Variants in CDCP1 observed in about 807,000 individuals in gnomAD.
CDCP1 encodes the protein CUB domain containing protein 1.
In CDCP1, 29 loss-of-function variants were observed where a neutral mutation model predicts 60.2. That is an observed-to-expected ratio of 0.48 (90% confidence interval 0.36 to 0.66). The LOEUF is 0.66. Ranked by LOEUF, CDCP1 falls within the 30% of genes least tolerant of loss-of-function variation. The probability of loss-of-function intolerance (pLI) is 0.00; values close to 1 mark genes in which losing one functional copy is unlikely to be tolerated. For synonymous variants in CDCP1, 387 were observed against 431.1 expected (o/e 0.90, Z 1.27); for missense variants, 876 against 1,074.3 (o/e 0.82, Z 2.58).
chr3:45,146,274 T>C lies in CDCP1; in HGVS notation c.14A>G (p.Asn5Ser). The change falls in exon 1 of 9, where the codon AAC (asparagine) becomes AGC (serine). Residue 5 changes from asparagine (N) to serine (S), a missense_variant. Transcript: ENST00000296129. ...TAGCAGTGCGATAGAGACCCCGCAG[T>C]TCAGGCCGGCCATGACTCCGGGACG... is the stretch of plus-strand genomic sequence containing the variant. MAGL[N>S]CGVSIALLGV... is the part of the protein sequence containing the mutation. The C allele has an allele frequency of 1.3e-6, 2 of 1,585,272 alleles. No homozygotes were observed. Among genetic ancestry groups the C allele is most frequent in the East Asian group, 2.5e-5 (1 of 40,702 alleles).
Position 45,112,251 on chromosome 3 carries a change from T to C in CDCP1, c.487A>G (p.Ile163Val). The C allele has an allele frequency of 1.2e-6, 2 of 1,614,176 alleles. No homozygotes were observed. The highest frequency in any genetic ancestry group is 2.2e-5 in the South Asian group (2 of 91,078). The change falls in exon 3 of 9, where the codon ATC becomes GTC. Residue 163 changes from isoleucine (I) to valine (V), a missense_variant. By Grantham distance (29) the Ile-to-Val change is conservative. Transcript: ENST00000296129. ...ACGGTGGCATCGATTCGGCCGCTGA[T>C]GGAGTGAGTGACTCCGTCTGGGCAG... ...ESCPDGVTHS[I>V]SGRIDATVVR...
At chr3:45,094,881 C>A (rs1307614654) in intron 5 of CDCP1, among the ~76,000 whole-genome samples, 2 of 151,504 alleles carry the variant, frequency 1.3e-5, no homozygotes, top group Admixed American at 6.6e-5. Context: ...TCCAAAGGGA[C>A]GTGTTGACAC....
chr3:45,146,118 T>TCC (rs1479802401), intron 1 of CDCP1, 88 bp downstream of exon 1: 55 of 1,244,484 alleles, frequency 4.4e-5, no homozygotes, highest in Middle Eastern at 2.1e-4. Context: ...CTCCGCACCC[T>TCC]GCGTCCCTCG....
rs1698129133 is a variant in CDCP1, at chr3:45,082,995, A to G, written c.*2643T>C. 6.6e-6 allele frequency: 1 copy of G among 152,218 alleles called. No individual in the cohort carries two copies. Among genetic ancestry groups the G allele is most frequent in the Non-Finnish European group, 1.5e-5 (1 of 68,050 alleles). The allele number at this position is 152,218 out of a possible 1,614,324, so 9.4% of individuals were successfully genotyped here. A position where few individuals can be genotyped will look rare whatever the true frequency, so the allele number is the denominator to read the frequency against. On this transcript the variant is annotated 3_prime_UTR_variant, in exon 9 of 9. Transcript: ENST00000296129. ...GGAGTTTTGAGCCCTCAGTTGAAGG[A>G]AAATGGCCACGTGGTGTCCTTGCAG...
Position 45,086,053 on chromosome 3 carries a change from T to G in CDCP1, c.2096A>C (p.Asn699Thr), listed in dbSNP as rs754077023. Residue 699 changes from asparagine (N) to threonine (T), a missense_variant, in exon 9 of 9, where the codon AAC (asparagine) becomes ACC (threonine). Around this residue, in one of 2 missense-constraint regions of CDCP1, gnomAD observed 726 missense variants for 935.7 expected, o/e 0.78. Coordinates refer to ENST00000296129, the MANE Select transcript of CDCP1 (RefSeq NM_022842.5). The part of the protein sequence containing the change: ...CCVKKKKKKT[N>T]KGPAVGIYND... ...GTAGATACCCACAGCGGGGCCCTTG[T>G]TTGTCTTCTTTTTCCTATTTGGAAA... The G allele has an allele frequency of 5.0e-6, 8 of 1,613,370 alleles. No homozygotes were observed. Among genetic ancestry groups the G allele is most frequent in the Non-Finnish European group, 8.5e-7 (1 of 1,179,766 alleles).
intron 4 of CDCP1, 32 bp from the exon 5 acceptor site, chr3:45,095,600 C>T: frequency 6.3e-7 from 1 of 1,594,610 alleles, no homozygotes; most frequent in Non-Finnish European, 8.6e-7. Context: ...AGGCATGAAG[C>T]ATGGATCAGC....
intron 4 of CDCP1, 76 bp downstream of exon 4, chr3:45,110,397 C>A: frequency 6.5e-7 from 1 of 1,547,748 alleles, no homozygotes; most frequent in Non-Finnish European, 8.7e-7. Flanking sequence ...AGGAAGGGAG[C>A]CTCACCCAGG....
At chr3:45,146,145 G>A (rs1472325973) in intron 1 of CDCP1, 61 bp downstream of exon 1, 3 of 1,445,954 alleles carry the variant, frequency 2.1e-6, no homozygotes, top group Non-Finnish European at 2.8e-6. Flanking sequence ...TCTCCGCCGG[G>A]CGTCCGCTGG....
intron 4 of CDCP1, among the ~76,000 whole-genome samples, chr3:45,105,562 T>C (rs1467601181): frequency 6.6e-6 from 1 of 152,102 alleles, no homozygotes; most frequent in Non-Finnish European, 1.5e-5. Flanking sequence ...TTGAAGATAA[T>C]AGTTTGTTTG....
chr3:45,106,695 C>T (rs1698572272), intron 4 of CDCP1, among the ~76,000 whole-genome samples: 1 of 152,182 alleles, frequency 6.6e-6, no homozygotes, highest in Non-Finnish European at 1.5e-5. Context: ...AAGTGCACTC[C>T]TGGGGTAGTG....
At chr3:45,111,056 T>C (rs1698684394) in intron 3 of CDCP1, among the ~76,000 whole-genome samples, 1 of 152,112 alleles carries the variant, frequency 6.6e-6, no homozygotes, top group Non-Finnish European at 1.5e-5. Flanking sequence ...GGTCCAGTGG[T>C]AGAGGGGAGA....
chr3:45,096,049 G>C (rs1021804174), intron 4 of CDCP1, among the ~76,000 whole-genome samples: 1 of 152,232 alleles, frequency 6.6e-6, no homozygotes, highest in Admixed American at 6.5e-5. Flanking sequence ...TCCTCAGATG[G>C]GGGGAAATGT....
At chr3:45,131,578 G>A (rs2126006404) in intron 1 of CDCP1, among the ~76,000 whole-genome samples, 1 of 152,302 alleles carries the variant, frequency 6.6e-6, no homozygotes, top group Middle Eastern at 3.4e-3. Context: ...TTAGCATAAT[G>A]TAGGTGAGAA....
Position 45,111,943 on chromosome 3 carries a change from C to T in CDCP1, c.655+140G>A, listed in dbSNP as rs537159101. ...CACTAGGAATGCATGACCCATGTCACTTATAAGAGAGCTAGATCTTCCTTT... is the reference window on the plus strand; with the variant it reads ...CACTAGGAATGCATGACCCATGTCATTTATAAGAGAGCTAGATCTTCCTTT... On this transcript the variant is annotated intron_variant, in intron 3 of 8. Transcript: ENST00000296129. 6 of 1,114,292 alleles carry T rather than the reference C, an allele frequency of 5.4e-6. No individual in the cohort carries two copies. In the South Asian group the frequency reaches 9.9e-5, roughly 18 times the overall value. The allele number at this position is 1,114,292 out of a possible 1,614,324, so 69.0% of individuals were successfully genotyped here.
chr3:45,136,297 C>CT (rs896474219), intron 1 of CDCP1, among the ~76,000 whole-genome samples: 1 of 152,152 alleles, frequency 6.6e-6, no homozygotes, highest in Non-Finnish European at 1.5e-5. Context: ...GGGAGAGAGA[C>CT]TGTGGGTCAA....
At chr3:45,088,541 A>G (rs571029215) in intron 8 of CDCP1, among the ~76,000 whole-genome samples, 118 of 152,348 alleles carry the variant, frequency 7.7e-4, no homozygotes, top group Admixed American at 1.6e-3. Context: ...AGACTGAGGC[A>G]GTTAACTGGG....
intron 1 of CDCP1, among the ~76,000 whole-genome samples, chr3:45,144,154 C>T (rs1699341914): frequency 6.6e-6 from 1 of 152,178 alleles, no homozygotes; most frequent in South Asian, 2.1e-4. Flanking sequence ...CACACAAACA[C>T]ACGACACCAA....
intron 7 of CDCP1, among the ~76,000 whole-genome samples, chr3:45,090,944 G>A (rs575360927): frequency 6.6e-6 from 1 of 152,198 alleles, no homozygotes; most frequent in Non-Finnish European, 1.5e-5. Flanking sequence ...GATAAGTCCA[G>A]CTCAGACCAG....
At chr3:45,117,316 A>G (rs1200563612) in intron 2 of CDCP1, among the ~76,000 whole-genome samples, 1 of 152,224 alleles carries the variant, frequency 6.6e-6, no homozygotes, top group Non-Finnish European at 1.5e-5. Context: ...TAATAAAACC[A>G]AATATCTATA....
Sources: allele counts gnomAD v4.1 joint callset (sites outside exome capture counted in the v4.1 genomes callset), GRCh38; gene constraint gnomAD v4.1.1; regional missense constraint gnomAD v4.1.1; transcripts MANE v1.5; gene names NCBI Gene and HGNC (gene_info 2026-07-23, HGNC 2026-07-21).